ACOT12: variants seen among roughly 807,000 people sequenced by gnomAD.
ACOT12 encodes the protein acetyl-coenzyme A thioesterase.
Under a neutral mutation model 67.7 loss-of-function variants are expected in ACOT12, and 51 were observed. The ratio of observed to expected loss-of-function variants is 0.75; its 90% CI spans 0.60 to 0.95. ACOT12 has a LOEUF of 0.95. ACOT12 is among the 40% of genes least tolerant of loss of function. ACOT12 has a pLI of 0.00. For synonymous variants in ACOT12, 251 were observed against 244.6 expected (o/e 1.03, Z -0.24); for missense variants, 734 against 708.1 (o/e 1.04, Z -0.41).
rs924697440 is a variant in ACOT12, at chr5:81,387,181, A to G, written c.128-1355T>C. 8.6e-5 allele frequency among the ~76,000 whole-genome samples: 13 copies of G among 151,350 alleles called. No individual in the cohort carries two copies. The South Asian group carries it at 2.5e-3, about 29-fold the overall frequency. On this transcript the variant is annotated intron_variant, in intron 1 of 14. Transcript: ENST00000307624. ...CCACCATGCCCAGCTAATTTTTTGT[A>G]TTTTTAGTAGAGATGGGGTTTCACC...
At chr5:81,346,394 CT>C (rs1759382286) in intron 6 of ACOT12, among the ~76,000 whole-genome samples, 1 of 152,182 alleles carries the variant, frequency 6.6e-6, no homozygotes, top group Admixed American at 6.5e-5. Flanking sequence ...GGCAGGTGTC[CT>C]TACACAATTC....
chr5:81,309,367 G>A, the ACOT12 span, among the ~76,000 whole-genome samples: 2,654 of 152,194 alleles, frequency 0.017, 71 homozygotes, highest in African/African-American at 0.06. Flanking sequence ...TTTTAAAATC[G>A]TATTATATAT....
intron 13 of ACOT12, among the ~76,000 whole-genome samples, chr5:81,331,734 T>C (rs1006298240): frequency 2.6e-5 from 4 of 152,216 alleles, no homozygotes; most frequent in East Asian, 1.9e-4. Flanking sequence ...GACATTTATA[T>C]AAGCAAATGC....
At chr5:81,371,345 T>C (rs946853603) in intron 3 of ACOT12, among the ~76,000 whole-genome samples, 6 of 152,150 alleles carry the variant, frequency 3.9e-5, no homozygotes, top group Non-Finnish European at 8.8e-5. Flanking sequence ...CTCAAACTCC[T>C]GGGCTCAAGC....
chr5:81,392,589 A>C (rs1349995119), intron 1 of ACOT12, among the ~76,000 whole-genome samples: 1 of 152,184 alleles, frequency 6.6e-6, no homozygotes, highest in African/African-American at 2.4e-5. Flanking sequence ...CAAGGTAACT[A>C]AAAGTCACTT....
At chr5:81,325,103 G>A (rs1162329598), downstream of ACOT12, among the ~76,000 whole-genome samples, 1 of 152,198 alleles carries the variant, frequency 6.6e-6, no homozygotes, top group African/African-American at 2.4e-5. Context: ...GAAGGTGAGA[G>A]AAAGTGTTCT....
intron 7 of ACOT12, among the ~76,000 whole-genome samples, chr5:81,345,445 T>C (rs1759350999): frequency 6.6e-6 from 1 of 152,176 alleles, no homozygotes. Flanking sequence ...CAGATATTCA[T>C]TTTTACATTT....
At chr5:81,346,126 A>T (rs1481621710) in intron 6 of ACOT12, 122 bp from the exon 7 acceptor site, 1 of 1,441,192 alleles carries the variant, frequency 6.9e-7, no homozygotes, top group African/African-American at 1.4e-5. Flanking sequence ...TAACTGGATT[A>T]TGTGGGTTGA....
chr5:81,308,615 C>T, the ACOT12 span: 5 of 1,613,690 alleles, frequency 3.1e-6, no homozygotes, highest in Non-Finnish European at 4.2e-6. Context: ...CCCCGCCGCC[C>T]TTGAAAATCA....
intron 5 of ACOT12, among the ~76,000 whole-genome samples, chr5:81,352,996 T>C (rs924564869): frequency 6.6e-6 from 1 of 152,210 alleles, no homozygotes; most frequent in Non-Finnish European, 1.5e-5. Flanking sequence ...GTGCATGTAC[T>C]ATCTCTTTAA....
the ACOT12 span, among the ~76,000 whole-genome samples, chr5:81,318,102 C>T: frequency 0.013 from 2,041 of 152,036 alleles, 36 homozygotes; most frequent in African/African-American, 0.046. Flanking sequence ...AGGCTAGTCT[C>T]GACCTCCTGA....
At chr5:81,350,739 C>A (rs563505657) in intron 5 of ACOT12, among the ~76,000 whole-genome samples, 1 of 152,266 alleles carries the variant, frequency 6.6e-6, no homozygotes, top group East Asian at 1.9e-4. Context: ...CATGAGGATG[C>A]ACTTGTGATT....
chr5:81,332,444 T>C (rs1183067588), intron 13 of ACOT12, 33 bp downstream of exon 13: 1 of 1,609,110 alleles, frequency 6.2e-7, no homozygotes, highest in Non-Finnish European at 8.5e-7. Context: ...TACTATGAAA[T>C]ATTAATAGAA....
chr5:81,331,624 G>C (rs541095802), intron 13 of ACOT12, among the ~76,000 whole-genome samples: 2 of 152,252 alleles, frequency 1.3e-5, no homozygotes, highest in East Asian at 3.9e-4. Context: ...TCTTCCTCCA[G>C]TCCAATTGCG....
intron 2 of ACOT12, among the ~76,000 whole-genome samples, chr5:81,377,793 C>T (rs1025435188): frequency 1.3e-5 from 2 of 152,160 alleles, no homozygotes; most frequent in Non-Finnish European, 2.9e-5. Context: ...TGTGAAGGAC[C>T]TCTTCAAGGA....
At chr5:81,387,841 G>A (rs765370776) in intron 1 of ACOT12, among the ~76,000 whole-genome samples, 19 of 152,038 alleles carry the variant, frequency 1.2e-4, no homozygotes, top group South Asian at 4.2e-4. Context: ...CACCATGCCC[G>A]GCTGAGTTAT....
intron 5 of ACOT12, among the ~76,000 whole-genome samples, chr5:81,357,352 G>A (rs896477151): frequency 2.6e-5 from 4 of 152,142 alleles, no homozygotes; most frequent in African/African-American, 9.7e-5. Flanking sequence ...ACCTCTAGTG[G>A]CAAGCAGGTT....
At chr5:81,381,519 A>AT (rs1291234222) in intron 2 of ACOT12, among the ~76,000 whole-genome samples, 1 of 152,140 alleles carries the variant, frequency 6.6e-6, no homozygotes, top group Non-Finnish European at 1.5e-5. Flanking sequence ...TCTCCACCTC[A>AT]TTTTTAAGTG....
In ACOT12 at chr5:81,332,535, C is replaced by T; in HGVS notation, c.1333G>A (p.Asp445Asn). The T allele has an allele frequency of 6.2e-7, 1 of 1,614,110 alleles. No homozygotes were observed. The highest frequency in any genetic ancestry group is 1.7e-5 in the Admixed American group (1 of 60,004). Residue 445 changes from aspartate to asparagine, a missense_variant, in exon 13 of 15, where the codon GAT becomes AAT. Coordinates refer to ENST00000307624, the MANE Select transcript of ACOT12 (RefSeq NM_130767.3). ...LYHITCPILNDDKPKDLVVLV... is the reference protein window; with the variant it reads ...LYHITCPILNNDKPKDLVVLV... ...ACTACCAAGTCTTTGGGTTTGTCAT[C>T]ATTCAGTATAGGACAGGTGATGTGA...
Sources: gnomAD v4.1 joint callset for allele counts (sites outside exome capture counted in the v4.1 genomes callset) on GRCh38, gnomAD v4.1.1 for gene constraint, MANE v1.5 for transcripts, NCBI Gene and HGNC (gene_info 2026-07-23, HGNC 2026-07-21) for gene names.